The following NRG4 variants were observed in gnomAD, a reference collection of about 807,000 sequenced individuals.
NRG4 encodes pro-neuregulin-4, membrane-bound isoform.
NRG4 carries 10 observed loss-of-function variants against 15.0 expected under a neutral mutation model. The ratio of observed to expected loss-of-function variants is 0.67; its 90% CI spans 0.41 to 1.13. The LOEUF (loss-of-function observed/expected upper bound fraction) is 1.13. NRG4 is among the 50% of genes most tolerant of loss of function. The probability of loss-of-function intolerance (pLI) is 0.00; values close to 1 mark genes in which losing one functional copy is unlikely to be tolerated. For missense variants in NRG4, 139 were observed against 140.2 expected, an observed-to-expected ratio of 0.99 and a Z score of 0.04; for synonymous variants, 41 against 50.1, an observed-to-expected ratio of 0.82 and a Z score of 0.77.
chr15:75,937,254 A>AT (rs1454696454), downstream of NRG4: 1 of 151,488 alleles, frequency 6.6e-6, no homozygotes, highest in Non-Finnish European at 1.5e-5. Context: ...TCACGCCTGT[A>AT]ATTCCAGCAC....
intron 4 of NRG4, among the ~76,000 whole-genome samples, chr15:76,036,421 A>G (rs2035598498): frequency 6.6e-6 from 1 of 152,234 alleles, no homozygotes; most frequent in Non-Finnish European, 1.5e-5. Context: ...ACTTCCCAGC[A>G]ACCCTCAACT....
chr15:75,963,546 G>A (rs1395639345), intron 3 of NRG4, among the ~76,000 whole-genome samples: 1 of 152,202 alleles, frequency 6.6e-6, no homozygotes, highest in East Asian at 1.9e-4. Flanking sequence ...TTGGGAGGCC[G>A]AGGCGGGCAG....
At chr15:75,982,092 A>T (rs1257412442) in intron 3 of NRG4, among the ~76,000 whole-genome samples, 1 of 152,192 alleles carries the variant, frequency 6.6e-6, no homozygotes, top group Non-Finnish European at 1.5e-5. Context: ...AACATTAGAT[A>T]ATTCTAATGC....
At chr15:75,959,450 T>C (rs1464857031) in intron 4 of NRG4, among the ~76,000 whole-genome samples, 1 of 151,488 alleles carries the variant, frequency 6.6e-6, no homozygotes, top group Non-Finnish European at 1.5e-5. Context: ...TGTCTCTTAT[T>C]GTAAATATAT....
At chr15:76,055,587 T>C (rs1178082683) in intron 2 of NRG4, among the ~76,000 whole-genome samples, 1 of 152,198 alleles carries the variant, frequency 6.6e-6, no homozygotes, top group Non-Finnish European at 1.5e-5. Context: ...GCTGGGTCCA[T>C]GTTTGTTGAA....
At chr15:75,975,261 G>A (rs937577602) in intron 3 of NRG4, among the ~76,000 whole-genome samples, 4 of 151,976 alleles carry the variant, frequency 2.6e-5, no homozygotes, top group African/African-American at 9.7e-5. Context: ...TGTGAGATGG[G>A]TCTCCTGAAT....
chr15:75,938,667 A>G (rs1339427971), downstream of NRG4: 1 of 152,238 alleles, frequency 6.6e-6, no homozygotes, highest in Non-Finnish European at 1.5e-5. Context: ...ATAAGCAGGT[A>G]GAAGAAAGAA....
In NRG4 at chr15:76,003,445, G is replaced by T. The variant is rs564858136; in HGVS notation, c.104+5755C>A. Among the ~76,000 whole-genome samples, 7 of 151,758 alleles carry T rather than the reference G, an allele frequency of 4.6e-5. No individual in the cohort carries two copies. The South Asian group carries it at 1.5e-3, about 32-fold the overall frequency. On this transcript the variant is annotated intron_variant, in intron 3 of 5. Coordinates refer to ENST00000394907, the MANE Select transcript of NRG4 (RefSeq NM_138573.4). The stretch of plus-strand genomic sequence containing the variant: ...GTGAACAGAGCCTAAGGGTCCCATG[G>T]GACACCATCAAATGGACCAACATAC...
At chr15:76,016,284 C>A (rs1243387516), upstream of NRG4, among the ~76,000 whole-genome samples, 2 of 151,678 alleles carry the variant, frequency 1.3e-5, no homozygotes, top group Non-Finnish European at 2.9e-5. Context: ...TTCAAAAAAA[C>A]CAACTCCTGG....
At position 75,943,494 on chromosome 15, in the gene NRG4, AATGGATTATGGTTCATG is replaced by A. The variant is rs2031203041; in HGVS notation, c.*127_*143del. ...CAGAAGCACACACACCTTGCAGCAG[AATGGATTATGGTTCATG>A]ATACGAGTTACACAAGCGTTTTATT... On this transcript the variant is annotated 3_prime_UTR_variant, in exon 6 of 6. Transcript: ENST00000394907. 3 of 619,980 alleles carry A rather than the reference AATGGATTATGGTTCATG, an allele frequency of 4.8e-6. No individual in the cohort carries two copies. Among genetic ancestry groups the A allele is most frequent in the Non-Finnish European group, 5.7e-6 (2 of 349,860 alleles). 38.4% of individuals were successfully genotyped at this position (619,980 alleles called of 1,614,324 possible). A position where few individuals can be genotyped will look rare whatever the true frequency, so the allele number is the denominator to read the frequency against.
intron 3 of NRG4, among the ~76,000 whole-genome samples, chr15:75,984,975 G>A (rs1017537853): frequency 6.6e-6 from 1 of 152,048 alleles, no homozygotes; most frequent in Non-Finnish European, 1.5e-5. Flanking sequence ...CTCCCATGTA[G>A]CTGTGACTAC....
intron 1 of NRG4, chr15:76,057,224 T>TA (rs35468194): frequency 0.8 from 120,021 of 150,300 alleles, 48,243 homozygotes; most frequent in South Asian, 0.89. Context: ...CTGGGGCAGT[T>TA]AAAAAAAAAA....
intron 1 of NRG4, among the ~76,000 whole-genome samples, chr15:76,059,029 G>T (rs1207495805): frequency 6.6e-6 from 1 of 152,114 alleles, no homozygotes; most frequent in East Asian, 1.9e-4. Flanking sequence ...CCGGGGCGAT[G>T]CTGCCTCCAA....
chr15:75,985,585 C>A (rs2033769550), intron 3 of NRG4, among the ~76,000 whole-genome samples: 1 of 152,136 alleles, frequency 6.6e-6, no homozygotes, highest in Non-Finnish European at 1.5e-5. Context: ...ACGGAGACAT[C>A]CTTATCATTT....
upstream of NRG4, among the ~76,000 whole-genome samples, chr15:76,013,485 T>C (rs1464615037): frequency 2.4e-4 from 37 of 152,190 alleles, 1 homozygote; most frequent in Non-Finnish European, 1.5e-5. Flanking sequence ...TCTCCTAATG[T>C]TATCCCTCCC....
chr15:76,047,633 A>G (rs1193046624), intron 4 of NRG4, among the ~76,000 whole-genome samples: 1 of 150,674 alleles, frequency 6.6e-6, no homozygotes, highest in Non-Finnish European at 1.5e-5. Context: ...GAGGAGAGGG[A>G]AGGATAAAGG....
intron 3 of NRG4, among the ~76,000 whole-genome samples, chr15:75,986,441 C>A (rs962672683): frequency 2.6e-5 from 4 of 152,034 alleles, no homozygotes; most frequent in African/African-American, 9.7e-5. Context: ...TAAATACAGC[C>A]TATTATCTGC....
chr15:75,966,836 G>T (rs1037354724), intron 3 of NRG4, among the ~76,000 whole-genome samples: 2 of 152,162 alleles, frequency 1.3e-5, no homozygotes, highest in African/African-American at 2.4e-5. Context: ...TAATAAGTCA[G>T]CTGGGCGCGG....
intron 3 of NRG4, among the ~76,000 whole-genome samples, chr15:75,978,185 C>T (rs1681161930): frequency 6.6e-6 from 1 of 152,148 alleles, no homozygotes; most frequent in Admixed American, 6.5e-5. Context: ...AACCTCTCTT[C>T]ATTTTCCCCA....
Sources: gnomAD v4.1 joint callset for allele counts (sites outside exome capture counted in the v4.1 genomes callset) on GRCh38, gnomAD v4.1.1 for gene constraint, MANE v1.5 for transcripts, NCBI Gene and HGNC (gene_info 2026-07-23, HGNC 2026-07-21) for gene names.